The following ATP13A4 variants were observed in gnomAD, a reference collection of about 807,000 sequenced individuals.
The protein encoded by ATP13A4 is ATPase 13A4, also known as probable cation-transporting ATPase 13A4.
A neutral mutation model predicts 142.5 loss-of-function variants in ATP13A4; 114 were observed. That is an observed-to-expected ratio of 0.80 (90% confidence interval 0.69 to 0.93). The LOEUF (loss-of-function observed/expected upper bound fraction) is 0.93, where lower values mean the gene tolerates loss of function less well. Among genes scored for constraint, ATP13A4 ranks in the 40% least tolerant of loss-of-function variants. The pLI is 0.00. For synonymous variants in ATP13A4, 488 were observed against 514.8 expected, an observed-to-expected ratio of 0.95 and a Z score of 0.70; for missense variants, 1,392 against 1,454.0, an observed-to-expected ratio of 0.96 and a Z score of 0.69.
chr3:193,430,793 G>T (rs773435296), intron 25 of ATP13A4, among the ~76,000 whole-genome samples: 2 of 152,040 alleles, frequency 1.3e-5, no homozygotes, highest in Non-Finnish European at 2.9e-5. Context: ...AATCATATAA[G>T]ACTTGAATTG....
At chr3:193,422,896 T>C (rs952309956) in intron 25 of ATP13A4, among the ~76,000 whole-genome samples, 3 of 149,092 alleles carry the variant, frequency 2.0e-5, no homozygotes, top group African/African-American at 7.4e-5. Context: ...ACAAATGAAA[T>C]TGACCTAAAA....
intron 1 of ATP13A4, among the ~76,000 whole-genome samples, chr3:193,516,143 A>G (rs1389311768): frequency 3.9e-5 from 6 of 152,232 alleles, no homozygotes; most frequent in African/African-American, 1.4e-4. Flanking sequence ...TGCTCTTGCT[A>G]GAATTGTCTC....
At chr3:193,468,952 T>C (rs574769338) in intron 9 of ATP13A4, among the ~76,000 whole-genome samples, 2 of 152,356 alleles carry the variant, frequency 1.3e-5, no homozygotes, top group South Asian at 2.1e-4. Flanking sequence ...AGTTGCCTTG[T>C]AGAAATACCA....
chr3:193,555,112 A>T (rs556494799), upstream of ATP13A4: 92 of 447,960 alleles, frequency 2.1e-4, no homozygotes, highest in Non-Finnish European at 3.3e-4. Context: ...CAGGGAAAGA[A>T]CTCATTGCCT....
At chr3:193,541,654 A>T (rs970850181) in intron 1 of ATP13A4, among the ~76,000 whole-genome samples, 4 of 152,168 alleles carry the variant, frequency 2.6e-5, no homozygotes, top group African/African-American at 9.7e-5. Flanking sequence ...ACAGTATCCA[A>T]TACCCCAATA....
chr3:193,578,296 A>AATTATCTATATCTATATCT (rs1724450836), intron 2 of ATP13A4, among the ~76,000 whole-genome samples: 1 of 146,284 alleles, frequency 6.8e-6, no homozygotes, highest in Non-Finnish European at 1.5e-5. Flanking sequence ...CCATCTCAGA[A>AATTATCTATATCTATATCT]ATATCTATAT....
chr3:193,425,571 G>C (rs990148476), intron 25 of ATP13A4, among the ~76,000 whole-genome samples: 3 of 151,748 alleles, frequency 2.0e-5, no homozygotes, highest in African/African-American at 7.2e-5. Flanking sequence ...CATAGATGAA[G>C]CTTGAGGACA....
chr3:193,553,753 T>G (rs553230906), intron 1 of ATP13A4: 1 of 152,360 alleles, frequency 6.6e-6, no homozygotes, highest in South Asian at 2.1e-4. Context: ...AAAAATGTTG[T>G]TGCTATAGGA....
chr3:193,403,750 C>A, intron 29 of ATP13A4: 1 of 984,250 alleles, frequency 1.0e-6, no homozygotes, highest in Non-Finnish European at 1.2e-6. Flanking sequence ...TAATTTTCCA[C>A]TTTTATCATG....
upstream of ATP13A4, among the ~76,000 whole-genome samples, chr3:193,558,665 A>G (rs1005017635): frequency 1.3e-5 from 2 of 152,232 alleles, no homozygotes; most frequent in Non-Finnish European, 2.9e-5. Flanking sequence ...AGATAAATAC[A>G]GGTGGGAAAG....
intron 18 of ATP13A4, among the ~76,000 whole-genome samples, chr3:193,443,601 T>C (rs1716780452): frequency 6.6e-6 from 1 of 152,158 alleles, no homozygotes; most frequent in Non-Finnish European, 1.5e-5. Flanking sequence ...ATATTCAATA[T>C]GAAAAATCTG....
intron 25 of ATP13A4, among the ~76,000 whole-genome samples, chr3:193,419,883 A>G (rs949346117): frequency 6.7e-6 from 1 of 150,056 alleles, no homozygotes; most frequent in African/African-American, 2.5e-5. Context: ...TAGCTGTGCC[A>G]TTTTGGGTTC....
rs1259696316 is a variant in ATP13A4, at chr3:193,410,963, T to C, written c.3297+19A>G. The stretch of plus-strand genomic sequence containing the variant: ...TACATAACTGTAAAGCATCATCATA[T>C]CCCAAAGATTAGACTTACATCCAAA... On this transcript the variant is annotated intron_variant, in intron 28 of 29. Coordinates refer to ENST00000342695, the MANE Select transcript of ATP13A4 (RefSeq NM_032279.4). 5 of 1,451,206 alleles carry C rather than the reference T, an allele frequency of 3.4e-6. No homozygotes were observed. The African/African-American group carries it at 4.2e-5, about 12-fold the overall frequency. The allele number at this position is 1,451,206 out of a possible 1,614,324, so 89.9% of individuals were successfully genotyped here.
chr3:193,512,156 C>T (rs1001510388), intron 2 of ATP13A4, among the ~76,000 whole-genome samples: 1 of 152,170 alleles, frequency 6.6e-6, no homozygotes, highest in African/African-American at 2.4e-5. Flanking sequence ...AAGCGTTACC[C>T]TCTGAGAACT....
chr3:193,550,791 C>T (rs1056283140), intron 1 of ATP13A4, among the ~76,000 whole-genome samples: 28 of 152,022 alleles, frequency 1.8e-4, no homozygotes, highest in African/African-American at 2.4e-5. Flanking sequence ...TATCAGGGAA[C>T]GTTACTTTTT....
At chr3:193,464,809 T>A (rs1718166501) in intron 12 of ATP13A4, 131 bp downstream of exon 12, 1 of 985,154 alleles carries the variant, frequency 1.0e-6, no homozygotes, top group African/African-American at 1.6e-5. Context: ...AGATCATGCA[T>A]CTAACCAGGG....
intron 2 of ATP13A4, among the ~76,000 whole-genome samples, chr3:193,576,838 G>C (rs897864824): frequency 6.6e-6 from 1 of 152,148 alleles, no homozygotes; most frequent in East Asian, 1.9e-4. Flanking sequence ...TGAAGATATC[G>C]GTGCCTCCAC....
In ATP13A4 at chr3:193,412,233, A is replaced by C; in HGVS notation, c.3153T>G (p.Thr1051=). ...VWFLGTINCI[T]VALVFSKGKP... ...TTCCTTTAGAGAACACAAGAGCCAC[A>C]GTGATACAGTTGATTGTTCCCAAGA... The change falls in exon 27 of 30, where the codon ACT becomes ACG. Residue 1051 remains threonine (T), a synonymous_variant. Coordinates refer to ENST00000342695, the MANE Select transcript of ATP13A4 (RefSeq NM_032279.4). The C allele has an allele frequency of 6.2e-7, 1 of 1,613,472 alleles. No individual in the cohort carries two copies. Among genetic ancestry groups the C allele is most frequent in the Non-Finnish European group, 8.5e-7 (1 of 1,179,376 alleles).
At chr3:193,509,111 A>G (rs575131157) in intron 2 of ATP13A4, among the ~76,000 whole-genome samples, 4 of 152,234 alleles carry the variant, frequency 2.6e-5, no homozygotes, top group African/African-American at 9.6e-5. Flanking sequence ...AGAAAGTCTT[A>G]GGTTTAAGTT....
Sources: allele counts gnomAD v4.1 joint callset (sites outside exome capture counted in the v4.1 genomes callset), GRCh38; gene constraint gnomAD v4.1.1; transcripts MANE v1.5; gene names NCBI Gene and HGNC (gene_info 2026-07-23, HGNC 2026-07-21).